Variants in NRXN1 observed in about 807,000 individuals in gnomAD.
The protein encoded by NRXN1 is neurexin 1, also known as neurexin-1.
Under a neutral mutation model 150.9 loss-of-function variants are expected in NRXN1, and 39 were observed. The ratio of observed to expected loss-of-function variants is 0.26; its 90% CI spans 0.20 to 0.34. The LOEUF is 0.34. NRXN1 is among the 10% of genes least tolerant of loss of function. The probability of loss-of-function intolerance (pLI) is 1.00; values close to 1 mark genes in which losing one functional copy is unlikely to be tolerated. For missense variants in NRXN1, 1,815 were observed against 1,949.9 expected (o/e 0.93, Z 1.30); for synonymous variants, 924 against 757.0 (o/e 1.22, Z -3.62).
At chr2:50,522,528 A>C (rs2092816276) in intron 12 of NRXN1, among the ~76,000 whole-genome samples, 1 of 152,118 alleles carries the variant, frequency 6.6e-6, no homozygotes, top group East Asian at 1.9e-4. Flanking sequence ...CATATAAGCA[A>C]TCAGTAGATT....
At chr2:50,658,740 T>C (rs1322402966) in intron 5 of NRXN1, among the ~76,000 whole-genome samples, 1 of 151,998 alleles carries the variant, frequency 6.6e-6, no homozygotes, top group Non-Finnish European at 1.5e-5. Flanking sequence ...ACATCCAAAA[T>C]TAACATCATT....
chr2:50,016,331 T>C (rs2152552853), intron 21 of NRXN1, among the ~76,000 whole-genome samples: 1 of 152,228 alleles, frequency 6.6e-6, no homozygotes, highest in Non-Finnish European at 1.5e-5. Flanking sequence ...TCAACTAAAC[T>C]TGAAGTGAGA....
At chr2:49,925,177 G>A (rs546474476) in intron 22 of NRXN1, among the ~76,000 whole-genome samples, 1 of 151,578 alleles carries the variant, frequency 6.6e-6, no homozygotes, top group Admixed American at 6.6e-5. Context: ...TTACTTGGGG[G>A]ATTGAGGCAG....
chr2:50,549,743 G>C (rs958365996), intron 9 of NRXN1, among the ~76,000 whole-genome samples: 9 of 152,110 alleles, frequency 5.9e-5, no homozygotes, highest in Non-Finnish European at 1.3e-4. Flanking sequence ...AGAAAAAGTA[G>C]ATTTTATTCT....
chr2:50,065,113 C>A (rs1359199969), intron 19 of NRXN1, among the ~76,000 whole-genome samples: 1 of 152,098 alleles, frequency 6.6e-6, no homozygotes, highest in Non-Finnish European at 1.5e-5. Flanking sequence ...CTGAAGAAAA[C>A]AAAGGACCAC....
chr2:50,808,598 C>A (rs1667818170), intron 5 of NRXN1, among the ~76,000 whole-genome samples: 1 of 151,936 alleles, frequency 6.6e-6, no homozygotes, highest in Non-Finnish European at 1.5e-5. Context: ...TTCAAGGAAA[C>A]CCAAAACTAG....
At chr2:50,627,256 G>A (rs577745333) in intron 5 of NRXN1, among the ~76,000 whole-genome samples, 52 of 151,350 alleles carry the variant, frequency 3.4e-4, no homozygotes, top group African/African-American at 1.1e-3. Context: ...AGTTAACCAG[G>A]ATCAGTTAAC....
chr2:50,355,226 A>C (rs1231044582), intron 17 of NRXN1, among the ~76,000 whole-genome samples: 1 of 149,274 alleles, frequency 6.7e-6, no homozygotes, highest in African/African-American at 2.4e-5. Context: ...CCAATTCAGA[A>C]ATTCAGGATA....
intron 21 of NRXN1, among the ~76,000 whole-genome samples, chr2:49,958,188 T>A (rs372080543): frequency 1.3e-5 from 2 of 152,148 alleles, no homozygotes; most frequent in African/African-American, 4.8e-5. Flanking sequence ...GAATTTGCCT[T>A]TGTGCATGTA....
chr2:50,332,161 A>T (rs2076876773), intron 17 of NRXN1, among the ~76,000 whole-genome samples: 1 of 152,192 alleles, frequency 6.6e-6, no homozygotes, highest in South Asian at 2.1e-4. Flanking sequence ...AGGAATATTT[A>T]GGTGTTGCAG....
At chr2:50,161,544 C>A (rs1574249268) in intron 18 of NRXN1, among the ~76,000 whole-genome samples, 1 of 152,138 alleles carries the variant, frequency 6.6e-6, no homozygotes, top group African/African-American at 2.4e-5. Context: ...CTAAAGCAGA[C>A]TGGGAGAATT....
chr2:50,997,754 C>T (rs1699515147), intron 2 of NRXN1, among the ~76,000 whole-genome samples: 1 of 141,452 alleles, frequency 7.1e-6, no homozygotes, highest in Non-Finnish European at 1.5e-5. Context: ...AGCAATCCTC[C>T]CGCCTCCACT....
At chr2:50,035,305 C>T (rs1183036157) in intron 21 of NRXN1, among the ~76,000 whole-genome samples, 1 of 152,050 alleles carries the variant, frequency 6.6e-6, no homozygotes, top group Non-Finnish European at 1.5e-5. Flanking sequence ...CTAATTCTTA[C>T]AAGCTAGATT....
At chr2:50,468,350 T>G (rs1322707102) in intron 16 of NRXN1, among the ~76,000 whole-genome samples, 1 of 151,630 alleles carries the variant, frequency 6.6e-6, no homozygotes. Flanking sequence ...TATTTTATTT[T>G]CATTATCACA....
intron 8 of NRXN1, among the ~76,000 whole-genome samples, chr2:50,563,396 A>G (rs1669400987): frequency 6.6e-6 from 1 of 152,364 alleles, no homozygotes; most frequent in African/African-American, 2.4e-5. Context: ...TTAAATCAGG[A>G]AGAAAACAAC....
intron 5 of NRXN1, among the ~76,000 whole-genome samples, chr2:50,828,976 C>T (rs947889772): frequency 1.3e-5 from 2 of 152,232 alleles, no homozygotes; most frequent in African/African-American, 2.4e-5. Flanking sequence ...TCTGCAATCC[C>T]GGCACCTCGG....
chr2:50,112,812 A>G (rs1702552797), intron 18 of NRXN1, among the ~76,000 whole-genome samples: 1 of 152,110 alleles, frequency 6.6e-6, no homozygotes, highest in South Asian at 2.1e-4. Context: ...GTTTAAAATA[A>G]TATCTTTATC....
At chr2:50,640,541 C>T (rs1350829871) in intron 5 of NRXN1, among the ~76,000 whole-genome samples, 1 of 152,122 alleles carries the variant, frequency 6.6e-6, no homozygotes, top group Non-Finnish European at 1.5e-5. Context: ...ATCAGACTGA[C>T]CTTTGTAAGC....
At chr2:50,181,040 T>C (rs2152810787) in intron 18 of NRXN1, among the ~76,000 whole-genome samples, 1 of 152,240 alleles carries the variant, frequency 6.6e-6, no homozygotes, top group Admixed American at 6.5e-5. Context: ...TTAGTATTTA[T>C]AATTACAATA....
Sources: gnomAD v4.1 joint callset for allele counts (sites outside exome capture counted in the v4.1 genomes callset) on GRCh38, gnomAD v4.1.1 for gene constraint, MANE v1.5 for transcripts, NCBI Gene and HGNC (gene_info 2026-07-23, HGNC 2026-07-21) for gene names.